SLC22A15: variants seen among roughly 807,000 people sequenced by gnomAD.
SLC22A15 encodes flipt 1.
A neutral mutation model predicts 62.7 loss-of-function variants in SLC22A15; 45 were observed. The observed-to-expected ratio is 0.72, with a 90% CI of 0.56 to 0.92. The LOEUF is 0.92. SLC22A15 is among the 40% of genes least tolerant of loss of function. SLC22A15 has a pLI of 0.00. For synonymous variants in SLC22A15, 264 were observed against 267.0 expected (o/e 0.99, Z 0.11); for missense variants, 622 against 665.6 (o/e 0.93, Z 0.72).
intron 6 of SLC22A15, 118 bp downstream of exon 6, chr1:116,031,699 G>A: frequency 2.0e-6 from 3 of 1,488,958 alleles, no homozygotes; most frequent in Non-Finnish European, 2.7e-6. Flanking sequence ...GCTTGAGGTT[G>A]TTTTCTCAAC....
At chr1:115,992,281 C>G (rs1195824079) in intron 2 of SLC22A15, 38 bp downstream of exon 2, 11 of 1,491,466 alleles carry the variant, frequency 7.4e-6, no homozygotes, top group South Asian at 2.4e-5. Flanking sequence ...ATAAATGTCT[C>G]TCTTTGTCCA....
At chr1:116,064,407 A>G in intron 9 of SLC22A15, 29 bp from the exon 10 acceptor site, 1 of 1,562,776 alleles carries the variant, frequency 6.4e-7, no homozygotes, top group South Asian at 1.1e-5. Context: ...GCTAGAACTT[A>G]CTGATGTATT....
At chr1:116,009,047 C>T (rs1242133580) in intron 2 of SLC22A15, among the ~76,000 whole-genome samples, 1 of 152,032 alleles carries the variant, frequency 6.6e-6, no homozygotes, top group Non-Finnish European at 1.5e-5. Context: ...CCTAACAGAA[C>T]AAAAAATAAC....
chr1:115,992,051 C>T lies in SLC22A15; in HGVS notation c.108C>T (p.Ala36=), dbSNP rs1046820945. The change falls in exon 2 of 12, where the codon GCC becomes GCT. Residue 36 remains alanine, a synonymous_variant. Coordinates refer to ENST00000369503, the MANE Select transcript of SLC22A15 (RefSeq NM_018420.3). ...VLLQLYVATE[A]ILIALVGATP... Reference sequence around the variant, plus strand: ...TTCAGCTCTACGTGGCCACGGAGGCCATCCTCATTGCACTGGTTGGGGCCA... The same window carrying T: ...TTCAGCTCTACGTGGCCACGGAGGCTATCCTCATTGCACTGGTTGGGGCCA... 6.2e-7 allele frequency: 1 copy of T among 1,613,688 alleles called. No individual in the cohort carries two copies. Among genetic ancestry groups the T allele is most frequent in the African/African-American group, 1.3e-5 (1 of 75,044 alleles).
rs1658525007 is a variant in SLC22A15 at position 116,067,402 on chromosome 1, C to T, written c.*294C>T. The T allele has an allele frequency of 3.2e-6, 1 of 309,670 alleles. No homozygotes were observed. The highest frequency in any genetic ancestry group is 2.1e-5 in the African/African-American group (1 of 46,772). The allele number at this position is 309,670 out of a possible 1,614,324, so 19.2% of individuals were successfully genotyped here. ...AACCCACATTCCAAAGTGGTAGGCT[C>T]ATTTGTTTCTAGAGATTTCATCATG... On this transcript the variant is annotated 3_prime_UTR_variant, in exon 12 of 12. Transcript: ENST00000369503.
intron 2 of SLC22A15, among the ~76,000 whole-genome samples, chr1:115,999,734 G>A (rs913723762): frequency 1.3e-5 from 2 of 151,950 alleles, no homozygotes; most frequent in African/African-American, 2.4e-5. Context: ...GAACTCTTGA[G>A]CTCAGGCAGT....
intron 8 of SLC22A15, among the ~76,000 whole-genome samples, chr1:116,057,561 A>G (rs1164377682): frequency 1.3e-5 from 2 of 152,222 alleles, no homozygotes; most frequent in Non-Finnish European, 2.9e-5. Flanking sequence ...TACTGGGTAT[A>G]TACCCAAAGG....
At chr1:115,984,267 A>G (rs1654750410) in intron 1 of SLC22A15, among the ~76,000 whole-genome samples, 1 of 152,178 alleles carries the variant, frequency 6.6e-6, no homozygotes, top group African/African-American at 2.4e-5. Context: ...GCTTTACCAA[A>G]TAATTTCTTT....
At chr1:116,052,185 C>T (rs781402748) in intron 8 of SLC22A15, among the ~76,000 whole-genome samples, 2 of 152,170 alleles carry the variant, frequency 1.3e-5, no homozygotes, top group African/African-American at 4.8e-5. Flanking sequence ...CCTGGAAAAT[C>T]GGGTCACTCC....
At chr1:116,032,516 A>G (rs954320692) in intron 6 of SLC22A15, 19 of 985,266 alleles carry the variant, frequency 1.9e-5, no homozygotes, top group Admixed American at 6.1e-5. Context: ...TAAAGCTACA[A>G]AGAATAGTAG....
chr1:115,992,342 A>G, intron 2 of SLC22A15, 99 bp downstream of exon 2: 1 of 1,033,088 alleles, frequency 9.7e-7, no homozygotes, highest in African/African-American at 1.6e-5. Flanking sequence ...CCACATTTTC[A>G]AATAACTTTC....
chr1:116,058,448 C>A (rs887484033), intron 8 of SLC22A15, among the ~76,000 whole-genome samples: 1 of 152,018 alleles, frequency 6.6e-6, no homozygotes, highest in Admixed American at 6.6e-5. Flanking sequence ...TGGCCATAAT[C>A]AAAAAATCAA....
chr1:115,994,663 C>T (rs1655330068), intron 2 of SLC22A15, among the ~76,000 whole-genome samples: 1 of 152,118 alleles, frequency 6.6e-6, no homozygotes, highest in South Asian at 2.1e-4. Context: ...ATTATTGTCT[C>T]TCTGTTTTTT....
At chr1:115,981,659 G>T (rs951644074) in intron 1 of SLC22A15, among the ~76,000 whole-genome samples, 4 of 152,190 alleles carry the variant, frequency 2.6e-5, no homozygotes, top group African/African-American at 9.6e-5. Flanking sequence ...AGAGATACAG[G>T]AGGCCTCCAG....
At chr1:115,985,334 G>A (rs1466739333) in intron 1 of SLC22A15, among the ~76,000 whole-genome samples, 1 of 152,184 alleles carries the variant, frequency 6.6e-6, no homozygotes, top group Non-Finnish European at 1.5e-5. Flanking sequence ...ATGCCATATA[G>A]CCTAGGTGTA....
At chr1:116,012,233 T>C (rs1656309023) in intron 2 of SLC22A15, among the ~76,000 whole-genome samples, 6 of 152,096 alleles carry the variant, frequency 3.9e-5, no homozygotes, top group Admixed American at 2.6e-4. Context: ...CAGACAAATT[T>C]ATCACATTTG....
chr1:116,047,363 A>C (rs1423432459), intron 8 of SLC22A15, among the ~76,000 whole-genome samples: 1 of 152,016 alleles, frequency 6.6e-6, no homozygotes, highest in African/African-American at 2.4e-5. Flanking sequence ...GGAGGCGGAG[A>C]TTGTCATGAA....
intron 8 of SLC22A15, among the ~76,000 whole-genome samples, chr1:116,046,136 CTG>C (rs1264633719): frequency 6.6e-6 from 1 of 152,142 alleles, no homozygotes; most frequent in Admixed American, 6.5e-5. Flanking sequence ...AATGCTAAAA[CTG>C]TGTTGTACAA....
chr1:115,993,455 G>GTGTGTGTC (rs1437794103), intron 2 of SLC22A15, among the ~76,000 whole-genome samples: 1 of 150,800 alleles, frequency 6.6e-6, no homozygotes, highest in Non-Finnish European at 1.5e-5. Context: ...GTGTGTGTGT[G>GTGTGTGTC]TGTCTGTCTG....
Sources: gnomAD v4.1 joint callset for allele counts (sites outside exome capture counted in the v4.1 genomes callset) on GRCh38, gnomAD v4.1.1 for gene constraint, MANE v1.5 for transcripts, NCBI Gene and HGNC (gene_info 2026-07-23, HGNC 2026-07-21) for gene names.